Variants in MACROD2 observed in about 807,000 individuals in gnomAD.
The protein encoded by MACROD2 is mono-ADP ribosylhydrolase 2.
Under a neutral mutation model 70.4 loss-of-function variants are expected in MACROD2, and 36 were observed. That is an observed-to-expected ratio of 0.51 (90% CI 0.39 to 0.68). The LOEUF is 0.68. MACROD2 is among the 30% of genes least tolerant of loss of function. MACROD2 has a pLI of 0.00. For synonymous variants in MACROD2, 172 were observed against 178.8 expected (o/e 0.96, Z 0.30); for missense variants, 496 against 538.4 (o/e 0.92, Z 0.78).
chr20:14,243,167 A>G (rs2081943110), intron 3 of MACROD2, among the ~76,000 whole-genome samples: 1 of 152,190 alleles, frequency 6.6e-6, no homozygotes, highest in African/African-American at 2.4e-5. Flanking sequence ...TGAGTTTTAC[A>G]TACAGACTAT....
chr20:15,246,633 TG>T (rs1568665906), intron 6 of MACROD2, among the ~76,000 whole-genome samples: 3 of 152,208 alleles, frequency 2.0e-5, no homozygotes. Context: ...ATGCGTAAGA[TG>T]ATATAGTTGT....
At chr20:15,508,268 C>T (rs1457930941) in intron 8 of MACROD2, among the ~76,000 whole-genome samples, 1 of 151,104 alleles carries the variant, frequency 6.6e-6, no homozygotes, top group Non-Finnish European at 1.5e-5. Context: ...CATGGGAATG[C>T]AGAGAGAACC....
intron 3 of MACROD2, among the ~76,000 whole-genome samples, chr20:14,396,146 T>C (rs2083577497): frequency 6.6e-6 from 1 of 152,218 alleles, no homozygotes; most frequent in African/African-American, 2.4e-5. Flanking sequence ...TTATGGTCCA[T>C]GGTGTTGTTT....
chr20:15,555,856 G>GAAAAAAAAAAAAAAAA (rs2048163082), intron 8 of MACROD2, among the ~76,000 whole-genome samples: 3 of 80,756 alleles, frequency 3.7e-5, no homozygotes, highest in African/African-American at 2.3e-4. Context: ...AAAAAAAAAG[G>GAAAAAAAAAAAAAAAA]AAAAGAAAAG....
intron 6 of MACROD2, among the ~76,000 whole-genome samples, chr20:15,362,008 C>CTTTTTTTT (rs34029805): frequency 7.0e-6 from 1 of 142,472 alleles, no homozygotes. Flanking sequence ...TTATTTCTTC[C>CTTTTTTTT]TTTTTTTTTT....
At chr20:14,327,333 C>T (rs1444459152) in intron 3 of MACROD2, 2 of 1,613,622 alleles carry the variant, frequency 1.2e-6, no homozygotes, top group African/African-American at 1.3e-5. Context: ...TTGTAGCATC[C>T]TCTGGTATTC....
chr20:15,586,944 C>T (rs2048610974), intron 8 of MACROD2, among the ~76,000 whole-genome samples: 1 of 152,126 alleles, frequency 6.6e-6, no homozygotes, highest in Admixed American at 6.5e-5. Context: ...AAGACTTGAA[C>T]CAATGAAAGA....
intron 4 of MACROD2, among the ~76,000 whole-genome samples, chr20:14,596,430 T>TATA (rs1191672514): frequency 6.7e-6 from 1 of 149,246 alleles, no homozygotes; most frequent in African/African-American, 2.4e-5. Flanking sequence ...TATATATATA[T>TATA]ATATGCTTTT....
chr20:15,304,699 C>T (rs183376742), intron 6 of MACROD2, among the ~76,000 whole-genome samples: 5 of 152,158 alleles, frequency 3.3e-5, no homozygotes, highest in Admixed American at 3.3e-4. Flanking sequence ...CCCCTTCCCG[C>T]TCTCCCCTCT....
intron 5 of MACROD2, among the ~76,000 whole-genome samples, chr20:14,830,561 G>A (rs909117420): frequency 7.9e-5 from 12 of 152,160 alleles, no homozygotes; most frequent in African/African-American, 2.9e-4. Flanking sequence ...TGTGCACATA[G>A]CACTAGAAAA....
chr20:14,746,557 A>G (rs2071802407), intron 5 of MACROD2, among the ~76,000 whole-genome samples: 1 of 152,160 alleles, frequency 6.6e-6, no homozygotes. Flanking sequence ...GTGTAAGGAT[A>G]TGATAGAAAC....
At chr20:14,873,889 A>G (rs2073518548) in intron 5 of MACROD2, among the ~76,000 whole-genome samples, 1 of 152,126 alleles carries the variant, frequency 6.6e-6, no homozygotes, top group South Asian at 2.1e-4. Context: ...AAATAAAATA[A>G]TAAAATACAA....
At chr20:14,965,526 T>A (rs559063800) in intron 5 of MACROD2, among the ~76,000 whole-genome samples, 1 of 142,016 alleles carries the variant, frequency 7.0e-6, no homozygotes, top group East Asian at 2.2e-4. Flanking sequence ...AGTGGCCCGA[T>A]CTCGGCTCAC....
chr20:15,155,034 A>G lies in MACROD2; in HGVS notation c.419-74906A>G, dbSNP rs546413217. Among the ~76,000 whole-genome samples the G allele has an allele frequency of 2.6e-5, 4 of 152,058 alleles. No individual in the cohort carries two copies. In the East Asian group the frequency reaches 5.8e-4, roughly 22 times the overall value. Reference sequence around the variant, plus strand: ...AAGTTTATGTCCTTGTGTTTCTTCAATTTAAAAAAAATGAAATAAGAAAAA... The same window carrying G: ...AAGTTTATGTCCTTGTGTTTCTTCAGTTTAAAAAAAATGAAATAAGAAAAA... On this transcript the variant is annotated intron_variant, in intron 5 of 17. Transcript: ENST00000684519.
At chr20:14,855,422 G>A (rs2073243488) in intron 5 of MACROD2, among the ~76,000 whole-genome samples, 1 of 152,096 alleles carries the variant, frequency 6.6e-6, no homozygotes, top group African/African-American at 2.4e-5. Flanking sequence ...GGTCCCTGAA[G>A]CTTAAGCTCC....
intron 5 of MACROD2, among the ~76,000 whole-genome samples, chr20:14,998,294 T>C (rs1374772029): frequency 6.6e-6 from 1 of 152,158 alleles, no homozygotes; most frequent in Non-Finnish European, 1.5e-5. Context: ...TGACCAATAC[T>C]GGAGTGACAG....
intron 4 of MACROD2, among the ~76,000 whole-genome samples, chr20:14,508,536 C>A (rs2084994237): frequency 6.6e-6 from 1 of 152,158 alleles, no homozygotes; most frequent in Non-Finnish European, 1.5e-5. Flanking sequence ...AGAGCAGAAT[C>A]TGATTTTCAG....
intron 2 of MACROD2, among the ~76,000 whole-genome samples, chr20:14,061,832 CAA>C (rs956741696): frequency 6.6e-6 from 1 of 151,924 alleles, no homozygotes; most frequent in African/African-American, 2.4e-5. Context: ...GCATAGTTTA[CAA>C]AAGTCTGTTG....
chr20:14,214,372 CT>C (rs1405913057), intron 3 of MACROD2, among the ~76,000 whole-genome samples: 1 of 152,122 alleles, frequency 6.6e-6, no homozygotes, highest in Non-Finnish European at 1.5e-5. Flanking sequence ...CAATTTCCCC[CT>C]GCTCATGTAA....
Sources: allele counts gnomAD v4.1 joint callset (sites outside exome capture counted in the v4.1 genomes callset), GRCh38; gene constraint gnomAD v4.1.1; transcripts MANE v1.5; gene names NCBI Gene and HGNC (gene_info 2026-07-23, HGNC 2026-07-21).